GLI3: variants seen among roughly 807,000 people sequenced by gnomAD.
The protein encoded by GLI3 is transcription activator GLI3.
A neutral mutation model predicts 100.8 loss-of-function variants in GLI3; 20 were observed. The observed-to-expected ratio is 0.20, with a 90% CI of 0.14 to 0.29. The LOEUF is 0.29. Ranked by LOEUF, GLI3 falls within the 10% of genes least tolerant of loss-of-function variation. GLI3 has a pLI of 1.00. For synonymous variants in GLI3, 938 were observed against 860.5 expected (o/e 1.09, Z -1.58); for missense variants, 2,040 against 2,128.5 (o/e 0.96, Z 0.82).
At chr7:42,194,790 C>T (rs1159684020) in intron 2 of GLI3, among the ~76,000 whole-genome samples, 8 of 115,786 alleles carry the variant, frequency 6.9e-5, no homozygotes, top group African/African-American at 1.7e-4. Context: ...GTCGGAGTTT[C>T]ACTCTGTCAC....
rs191528803 is a variant in GLI3, at chr7:42,166,496, C to A, written c.125-18028G>T. Among the ~76,000 whole-genome samples the A allele has an allele frequency of 4.6e-5, 7 of 152,100 alleles. No homozygotes were observed. The East Asian group carries it at 1.4e-3, about 30-fold the overall frequency. On this transcript the variant is annotated intron_variant, in intron 2 of 14. Transcript: ENST00000395925. ...GGCCCCAGAGGGAATAACACTGGAG[C>A]ATCCCTGTGGGCCTTGGCAATGGGG...
chr7:42,012,273 T>C (rs921536423), intron 10 of GLI3, among the ~76,000 whole-genome samples: 2 of 152,216 alleles, frequency 1.3e-5, no homozygotes, highest in Non-Finnish European at 2.9e-5. Flanking sequence ...AAGCAGGTAC[T>C]GATAGCGACA....
intron 2 of GLI3, among the ~76,000 whole-genome samples, chr7:42,175,185 T>C (rs924073690): frequency 7.2e-5 from 11 of 152,156 alleles, no homozygotes; most frequent in Admixed American, 1.3e-4. Flanking sequence ...TGCTTTTAAG[T>C]GTTGGGATTC....
intron 3 of GLI3, among the ~76,000 whole-genome samples, chr7:42,122,240 T>C (rs1289250844): frequency 6.7e-6 from 1 of 149,600 alleles, no homozygotes; most frequent in Non-Finnish European, 1.5e-5. Context: ...TATATGTATT[T>C]TATTGAAAAA....
intron 1 of GLI3, among the ~76,000 whole-genome samples, chr7:42,249,376 T>A (rs1219534126): frequency 2.0e-5 from 3 of 152,192 alleles, no homozygotes; most frequent in Admixed American, 2.0e-4. Flanking sequence ...TTATTCCTTA[T>A]CTGATTTTTT....
intron 10 of GLI3, among the ~76,000 whole-genome samples, chr7:42,010,455 T>C (rs1321656135): frequency 6.6e-6 from 1 of 152,210 alleles, no homozygotes; most frequent in African/African-American, 2.4e-5. Flanking sequence ...AGATGCCTCT[T>C]CTGGATGAGT....
At chr7:42,169,708 A>T (rs897697410) in intron 2 of GLI3, among the ~76,000 whole-genome samples, 1 of 152,142 alleles carries the variant, frequency 6.6e-6, no homozygotes, top group African/African-American at 2.4e-5. Context: ...AAAGTCCTAA[A>T]TGCCCAACAA....
chr7:42,003,171 G>A (rs867317330), intron 10 of GLI3, among the ~76,000 whole-genome samples: 2 of 152,226 alleles, frequency 1.3e-5, no homozygotes, highest in Middle Eastern at 3.4e-3. Flanking sequence ...TATAATTACA[G>A]ACTATTTTGA....
intron 10 of GLI3, among the ~76,000 whole-genome samples, chr7:42,021,486 A>G (rs547504235): frequency 6.6e-6 from 1 of 152,356 alleles, no homozygotes; most frequent in East Asian, 1.9e-4. Flanking sequence ...TCGGCCACTG[A>G]AATTAAATTC....
At chr7:42,161,716 T>C (rs555778679) in intron 2 of GLI3, among the ~76,000 whole-genome samples, 21 of 152,338 alleles carry the variant, frequency 1.4e-4, no homozygotes, top group Middle Eastern at 3.4e-3. Context: ...ACCTGACAAT[T>C]ATATGACCTA....
intron 2 of GLI3, among the ~76,000 whole-genome samples, chr7:42,158,737 C>T (rs774705576): frequency 3.3e-5 from 5 of 152,080 alleles, no homozygotes; most frequent in South Asian, 2.1e-4. Flanking sequence ...GTGATCCACC[C>T]GCCTCGGCCT....
At chr7:41,985,558 A>G (rs1787797721) in intron 10 of GLI3, among the ~76,000 whole-genome samples, 1 of 152,228 alleles carries the variant, frequency 6.6e-6, no homozygotes, top group Admixed American at 6.5e-5. Context: ...AAATGGGAAA[A>G]TAATTTAGAA....
chr7:42,008,035 C>T (rs1374351897), intron 10 of GLI3, among the ~76,000 whole-genome samples: 1 of 152,178 alleles, frequency 6.6e-6, no homozygotes, highest in African/African-American at 2.4e-5. Flanking sequence ...TAAACATAGG[C>T]ATGTAACTGG....
At chr7:42,147,764 T>C (rs988224019) in intron 3 of GLI3, among the ~76,000 whole-genome samples, 1 of 152,170 alleles carries the variant, frequency 6.6e-6, no homozygotes, top group East Asian at 1.9e-4. Context: ...GGTTTGTTTT[T>C]ACAAACCATC....
At chr7:42,059,585 TTGA>T (rs1437162275) in intron 4 of GLI3, among the ~76,000 whole-genome samples, 6 of 152,194 alleles carry the variant, frequency 3.9e-5, no homozygotes, top group African/African-American at 1.4e-4. Flanking sequence ...AAGTACCACC[TTGA>T]TGAGGAAACA....
intron 10 of GLI3, among the ~76,000 whole-genome samples, chr7:41,983,371 T>C (rs896197655): frequency 6.6e-6 from 1 of 152,194 alleles, no homozygotes; most frequent in East Asian, 1.9e-4. Context: ...GTTTGTATCA[T>C]ATTCCTAGGA....
chr7:42,073,664 T>C (rs1025712250), intron 4 of GLI3, among the ~76,000 whole-genome samples: 9 of 152,224 alleles, frequency 5.9e-5, no homozygotes, highest in African/African-American at 2.2e-4. Context: ...CCTGCCCTTC[T>C]TCTAAACAGA....
chr7:41,965,003 T>C lies in GLI3; in HGVS notation c.4070A>G (p.Tyr1357Cys). 1 of 1,613,856 alleles carries C rather than the reference T, an allele frequency of 6.2e-7. No homozygotes were observed. Among genetic ancestry groups the C allele is most frequent in the Non-Finnish European group, 8.5e-7 (1 of 1,180,014 alleles). The change falls in exon 15 of 15, where the codon TAC (tyrosine) becomes TGC (cysteine). Residue 1357 changes from tyrosine (Y) to cysteine (C), a missense_variant. Physicochemically the swap from Tyr to Cys is radical, Grantham distance 194 (BLOSUM62 -2). Around this residue, in one of 5 missense-constraint regions of GLI3, gnomAD observed 1,041 missense variants for 924.0 expected, o/e 1.13. Coordinates refer to ENST00000395925, the MANE Select transcript of GLI3 (RefSeq NM_000168.6). ...TGGCAGGCAGCTCTCTGGCCCTTGG[T>C]AGATGTTGATGTGTGAGGTAGCACT... Reference protein sequence around the residue: ...QISATSHINIYQGPESCLPGA... With the variant: ...QISATSHINICQGPESCLPGA...
chr7:42,039,883 T>C (rs1282257051), intron 7 of GLI3, among the ~76,000 whole-genome samples, 155 bp downstream of exon 7: 3 of 152,230 alleles, frequency 2.0e-5, no homozygotes, highest in Non-Finnish European at 4.4e-5. Context: ...TTGCAATTCA[T>C]TGTGATATTT....
Sources: allele counts gnomAD v4.1 joint callset (sites outside exome capture counted in the v4.1 genomes callset), GRCh38; gene constraint gnomAD v4.1.1; regional missense constraint gnomAD v4.1.1; transcripts MANE v1.5; gene names NCBI Gene and HGNC (gene_info 2026-07-23, HGNC 2026-07-21).